LNP1: variants seen among roughly 807,000 people sequenced by gnomAD.
LNP1 encodes the protein leukemia NUP98 fusion partner 1.
Under a neutral mutation model 14.5 loss-of-function variants are expected in LNP1, and 12 were observed. That is an observed-to-expected ratio of 0.83 (90% CI 0.53 to 1.34). The LOEUF is 1.34. Among genes scored for constraint, LNP1 ranks in the 40% most tolerant of loss-of-function variants. The pLI, the probability that LNP1 is intolerant of heterozygous loss-of-function variation, is 0.00. For missense variants in LNP1, 198 were observed against 210.9 expected (o/e 0.94, Z 0.38); for synonymous variants, 75 against 71.4 (o/e 1.05, Z -0.26).
At chr3:100,432,014 A>C (rs1356692898) in intron 2 of LNP1, among the ~76,000 whole-genome samples, 3 of 24,124 alleles carry the variant, frequency 1.2e-4, no homozygotes, top group African/African-American at 4.9e-4. Context: ...ATATATATAT[A>C]TATATATATA....
chr3:100,413,162 A>G (rs1707046501), intron 1 of LNP1, among the ~76,000 whole-genome samples: 1 of 152,190 alleles, frequency 6.6e-6, no homozygotes, highest in Non-Finnish European at 1.5e-5. Context: ...GGTCACTGCT[A>G]CCACTTCCAC....
In LNP1 at chr3:100,401,711, T is replaced by G. The variant is rs1319682602; in HGVS notation, c.-762T>G. The stretch of plus-strand genomic sequence containing the variant: ...ATCACTGAACTTCTTATCACTAACA[T>G]AGCGAGATTTTAGTTTGGACGAATT... On this transcript the variant is annotated 5_prime_UTR_variant, in exon 1 of 4. Transcript: ENST00000383693. 6.6e-6 allele frequency: 1 copy of G among 152,204 alleles called. No homozygotes were observed. The highest frequency in any genetic ancestry group is 1.5e-5 in the Non-Finnish European group (1 of 68,054). 9.4% of individuals were successfully genotyped at this position (152,204 alleles called of 1,614,324 possible). A position where few individuals can be genotyped will look rare whatever the true frequency, so the allele number is the denominator to read the frequency against.
At chr3:100,428,260 G>A (rs770188274) in intron 1 of LNP1, among the ~76,000 whole-genome samples, 12 of 152,152 alleles carry the variant, frequency 7.9e-5, no homozygotes, top group South Asian at 4.1e-4. Flanking sequence ...GGGATCTGGC[G>A]TGGTGGCTCA....
intron 1 of LNP1, among the ~76,000 whole-genome samples, chr3:100,414,546 TAA>T (rs60049011): frequency 2.2e-5 from 3 of 137,264 alleles, no homozygotes; most frequent in Admixed American, 7.4e-5. Context: ...GACTCAGTCT[TAA>T]AAAAAAAAAA....
chr3:100,431,990 GTTTATATATA>G (rs1707245934), intron 2 of LNP1, among the ~76,000 whole-genome samples: 6 of 94,948 alleles, frequency 6.3e-5, no homozygotes, highest in Admixed American at 2.3e-4. Context: ...ATGAGACCTT[GTTTATATATA>G]TATATATATA....
chr3:100,416,097 T>C (rs1243830748), intron 1 of LNP1, among the ~76,000 whole-genome samples: 1 of 152,224 alleles, frequency 6.6e-6, no homozygotes, highest in African/African-American at 2.4e-5. Context: ...GCAGATAATG[T>C]CTGATTGTCT....
chr3:100,453,153 G>A (rs904526819), intron 3 of LNP1, among the ~76,000 whole-genome samples: 15 of 152,262 alleles, frequency 9.9e-5, no homozygotes, highest in African/African-American at 2.9e-4. Context: ...CTGTCACTAT[G>A]CACCTTTGCC....
chr3:100,447,588 T>TAC (rs924868294), intron 2 of LNP1, among the ~76,000 whole-genome samples: 1 of 149,688 alleles, frequency 6.7e-6, no homozygotes, highest in Non-Finnish European at 1.5e-5. Flanking sequence ...CCCTAGAACT[T>TAC]AAAGTATAAT....
Position 100,429,861 on chromosome 3 carries a change from C to G in LNP1, c.132C>G (p.His44Gln). ...GCCACCGACTGCAAGCCACCAGTCACAGGAAAACCTCCCTGCCCTGCCCAG... is the reference window on the plus strand; with the variant it reads ...GCCACCGACTGCAAGCCACCAGTCAGAGGAAAACCTCCCTGCCCTGCCCAG... ...RERHRLQATS[H>Q]RKTSLPCPLP... The change falls in exon 2 of 4, where the codon CAC becomes CAG. Residue 44 changes from histidine to glutamine, a missense_variant. Physicochemically the swap from His to Gln is conservative, Grantham distance 24. Coordinates refer to ENST00000383693, the MANE Select transcript of LNP1 (RefSeq NM_001085451.2). The G allele has an allele frequency of 6.2e-7, 1 of 1,613,852 alleles. No homozygotes were observed. The highest frequency in any genetic ancestry group is 1.1e-5 in the South Asian group (1 of 91,054).
At chr3:100,439,251 T>A (rs192424313) in intron 2 of LNP1, among the ~76,000 whole-genome samples, 1 of 151,312 alleles carries the variant, frequency 6.6e-6, no homozygotes, top group East Asian at 1.9e-4. Context: ...TAACACATGT[T>A]CCCCAGATAT....
chr3:100,431,333 G>A (rs1265393831), intron 2 of LNP1, among the ~76,000 whole-genome samples: 5 of 152,108 alleles, frequency 3.3e-5, no homozygotes, highest in African/African-American at 9.7e-5. Context: ...TTAATCTATG[G>A]AATCACAGCA....
intron 2 of LNP1, among the ~76,000 whole-genome samples, chr3:100,443,070 A>G (rs915520952): frequency 6.6e-6 from 1 of 152,202 alleles, no homozygotes; most frequent in South Asian, 2.1e-4. Context: ...GTATGTAAAT[A>G]GGTTGCTGTT....
chr3:100,430,528 C>A (rs1040440015), intron 2 of LNP1, among the ~76,000 whole-genome samples: 1 of 152,198 alleles, frequency 6.6e-6, no homozygotes, highest in Non-Finnish European at 1.5e-5. Context: ...GTGACATGTA[C>A]AGGCGGCTAT....
At chr3:100,430,644 T>A (rs981154133) in intron 2 of LNP1, among the ~76,000 whole-genome samples, 1 of 152,214 alleles carries the variant, frequency 6.6e-6, no homozygotes, top group Non-Finnish European at 1.5e-5. Context: ...ATAAGTCCCA[T>A]TAAATGTCAG....
At chr3:100,443,315 T>C (rs1707361496) in intron 2 of LNP1, among the ~76,000 whole-genome samples, 1 of 152,242 alleles carries the variant, frequency 6.6e-6, no homozygotes, top group Non-Finnish European at 1.5e-5. Flanking sequence ...AGGTGTGCTA[T>C]AGTTTTTGAA....
chr3:100,415,139 G>A (rs552069480), intron 1 of LNP1, among the ~76,000 whole-genome samples: 3 of 152,294 alleles, frequency 2.0e-5, no homozygotes, highest in South Asian at 4.1e-4. Flanking sequence ...TGAAGAAAAA[G>A]ATCAGTTTGG....
intron 1 of LNP1, among the ~76,000 whole-genome samples, chr3:100,428,392 C>G (rs1707213629): frequency 6.6e-6 from 1 of 151,928 alleles, no homozygotes; most frequent in African/African-American, 2.4e-5. Context: ...ATTAGCTGGG[C>G]TTGGTGGTGG....
intron 2 of LNP1, among the ~76,000 whole-genome samples, chr3:100,430,761 C>T (rs943470142): frequency 2.0e-5 from 3 of 152,204 alleles, no homozygotes; most frequent in Non-Finnish European, 2.9e-5. Flanking sequence ...TTCCCAGACA[C>T]ATAATGTCTA....
At chr3:100,406,919 CTT>C (rs1002220165) in intron 1 of LNP1, among the ~76,000 whole-genome samples, 1 of 152,172 alleles carries the variant, frequency 6.6e-6, no homozygotes, top group Admixed American at 6.5e-5. Flanking sequence ...AACAAGTTAA[CTT>C]TGATTATTTA....
Sources: gnomAD v4.1 joint callset for allele counts (sites outside exome capture counted in the v4.1 genomes callset) on GRCh38, gnomAD v4.1.1 for gene constraint, MANE v1.5 for transcripts, NCBI Gene and HGNC (gene_info 2026-07-23, HGNC 2026-07-21) for gene names.